Variants in RORB observed in about 807,000 individuals in gnomAD.
RORB encodes the protein RAR related orphan receptor B, also known as nuclear receptor ROR-beta.
RORB carries 6 observed loss-of-function variants against 59.1 expected under a neutral mutation model. That is an observed-to-expected ratio of 0.10 (90% CI 0.06 to 0.20). The LOEUF is 0.20. Ranked by LOEUF, RORB falls within the 10% of genes least tolerant of loss-of-function variation. The pLI is 1.00. For synonymous variants in RORB, 215 were observed against 204.5 expected (o/e 1.05, Z -0.44); for missense variants, 320 against 560.5 (o/e 0.57, Z 4.33).
At chr9:74,657,083 G>T (rs1008156102) in intron 4 of RORB, among the ~76,000 whole-genome samples, 2 of 152,132 alleles carry the variant, frequency 1.3e-5, no homozygotes, top group Non-Finnish European at 2.9e-5. Context: ...GTCACGCTCT[G>T]TCACCAGGCT....
rs1035167359 is a variant in RORB, at chr9:74,642,763, T to C, written c.585T>C (p.Tyr195=). The C allele has an allele frequency of 3.7e-6, 6 of 1,612,602 alleles. No individual in the cohort carries two copies. In the African/African-American group the frequency reaches 5.3e-5, roughly 14 times the overall value. ...DLTSVPNLFT[Y]SSFNNGQLAP... is the part of the protein sequence containing the mutation. ...CATCCGTACCCAACTTGTTTACCTA[T>C]AGCTCTTTCAACAATGGGCAGTTAG... Residue 195 remains tyrosine (Y), a synonymous_variant, in exon 4 of 10, where the codon TAT becomes TAC. Coordinates refer to ENST00000376896, the MANE Select transcript of RORB (RefSeq NM_006914.4).
chr9:74,616,041 T>A (rs1353329363), intron 1 of RORB, among the ~76,000 whole-genome samples: 1 of 152,222 alleles, frequency 6.6e-6, no homozygotes, highest in Non-Finnish European at 1.5e-5. Flanking sequence ...CTATTTGATT[T>A]ATATATATGA....
chr9:74,547,691 A>C (rs896141935), intron 1 of RORB, among the ~76,000 whole-genome samples: 4 of 152,230 alleles, frequency 2.6e-5, no homozygotes, highest in African/African-American at 7.2e-5. Flanking sequence ...ATGTTAAAAG[A>C]ACAGCAGTGT....
intron 1 of RORB, among the ~76,000 whole-genome samples, chr9:74,581,004 G>A (rs1472523076): frequency 6.6e-6 from 1 of 152,168 alleles, no homozygotes; most frequent in Non-Finnish European, 1.5e-5. Flanking sequence ...TTCAGATGGG[G>A]ATGCAGTCCA....
chr9:74,533,349 T>A (rs1159802718), intron 1 of RORB, among the ~76,000 whole-genome samples: 1 of 151,930 alleles, frequency 6.6e-6, no homozygotes, highest in East Asian at 1.9e-4. Context: ...ATTCAGCTGC[T>A]CCCATTCTGG....
chr9:74,651,526 C>A (rs1377403643), intron 4 of RORB, among the ~76,000 whole-genome samples: 3 of 107,758 alleles, frequency 2.8e-5, no homozygotes, highest in African/African-American at 3.4e-5. Flanking sequence ...CAGAGTGGGA[C>A]TCTGTCTCAA....
chr9:74,611,906 T>G (rs916544458), intron 1 of RORB, among the ~76,000 whole-genome samples: 2 of 152,096 alleles, frequency 1.3e-5, no homozygotes, highest in Admixed American at 6.5e-5. Context: ...CACCTCGGCC[T>G]CCCAAAGTGC....
At chr9:74,602,840 G>T (rs1299175562) in intron 1 of RORB, among the ~76,000 whole-genome samples, 1 of 152,060 alleles carries the variant, frequency 6.6e-6, no homozygotes, top group African/African-American at 2.4e-5. Context: ...TAAATATAAA[G>T]TATTATTATT....
intron 1 of RORB, among the ~76,000 whole-genome samples, chr9:74,617,357 A>G (rs1455834542): frequency 6.6e-6 from 1 of 152,214 alleles, no homozygotes; most frequent in Non-Finnish European, 1.5e-5. Context: ...TTTGAAAATT[A>G]TAATGTTATT....
chr9:74,516,504 C>T (rs1826012884), intron 1 of RORB, among the ~76,000 whole-genome samples: 1 of 151,840 alleles, frequency 6.6e-6, no homozygotes, highest in South Asian at 2.1e-4. Context: ...TTTTGTTGTA[C>T]TGAGATAAAT....
chr9:74,520,579 G>A (rs1360378309), intron 1 of RORB, among the ~76,000 whole-genome samples: 1 of 150,864 alleles, frequency 6.6e-6, no homozygotes, highest in Admixed American at 6.6e-5. Flanking sequence ...ATTTTTTTTT[G>A]TTTATTAAAT....
intron 1 of RORB, among the ~76,000 whole-genome samples, chr9:74,615,904 G>A (rs984439673): frequency 6.6e-6 from 1 of 151,964 alleles, no homozygotes; most frequent in African/African-American, 2.4e-5. Context: ...AATTCAAGTC[G>A]TTATCCACCA....
At chr9:74,627,136 T>TG (rs1823533682) in intron 1 of RORB, among the ~76,000 whole-genome samples, 1 of 140,472 alleles carries the variant, frequency 7.1e-6, no homozygotes, top group South Asian at 2.3e-4. Context: ...CACTCCAGCC[T>TG]GGCAACAGAG....
chr9:74,533,682 G>A (rs1826279715), intron 1 of RORB, among the ~76,000 whole-genome samples: 1 of 152,058 alleles, frequency 6.6e-6, no homozygotes, highest in Non-Finnish European at 1.5e-5. Flanking sequence ...AGACAATGCT[G>A]TCAGTTCTCA....
chr9:74,679,070 CA>C (rs887902470), intron 9 of RORB, among the ~76,000 whole-genome samples: 1 of 139,820 alleles, frequency 7.2e-6, no homozygotes, highest in Non-Finnish European at 1.6e-5. Flanking sequence ...AAAAAAAAAA[CA>C]AAAAAACCAA....
intron 1 of RORB, among the ~76,000 whole-genome samples, chr9:74,578,827 C>T (rs994782849): frequency 6.6e-6 from 1 of 152,002 alleles, no homozygotes; most frequent in Non-Finnish European, 1.5e-5. Flanking sequence ...CCAAGGCCAC[C>T]CAAGTCATTT....
intron 1 of RORB, among the ~76,000 whole-genome samples, chr9:74,625,136 A>G (rs758510924): frequency 2.6e-5 from 4 of 152,230 alleles, no homozygotes; most frequent in Non-Finnish European, 5.9e-5. Context: ...TAAAATGTTC[A>G]GATCTGGCCT....
intron 1 of RORB, among the ~76,000 whole-genome samples, chr9:74,546,737 C>T (rs917266567): frequency 6.6e-6 from 1 of 152,104 alleles, no homozygotes; most frequent in African/African-American, 2.4e-5. Context: ...GTAATCAAAA[C>T]CCACCTAGAG....
chr9:74,667,858 G>A lies in RORB; in HGVS notation c.1068G>A (p.Glu356=), dbSNP rs1824292014. Reference sequence around the variant, plus strand: ...ATTTGTGTTCCTTGCAGCTGACCGAGGAGGAGATCGCTTTGTTCTCATCTG... The same window carrying A: ...ATTTGTGTTCCTTGCAGCTGACCGAAGAGGAGATCGCTTTGTTCTCATCTG... ...AKNLCSLQLT[E]EEIALFSSAV... The change falls in exon 8 of 10, where the codon GAG becomes GAA. Residue 356 remains glutamate (E), a synonymous_variant. Coordinates refer to ENST00000376896, the MANE Select transcript of RORB (RefSeq NM_006914.4). 1 of 1,613,510 alleles carries A rather than the reference G, an allele frequency of 6.2e-7. No homozygotes were observed. Among genetic ancestry groups the A allele is most frequent in the African/African-American group, 1.3e-5 (1 of 74,898 alleles).
Sources: gnomAD v4.1 joint callset for allele counts (sites outside exome capture counted in the v4.1 genomes callset) on GRCh38, gnomAD v4.1.1 for gene constraint, MANE v1.5 for transcripts, NCBI Gene and HGNC (gene_info 2026-07-23, HGNC 2026-07-21) for gene names.